The following TCEA3 variants were observed in gnomAD, a reference collection of about 807,000 sequenced individuals.
TCEA3 encodes transcription elongation factor A protein 3.
In TCEA3, 36 loss-of-function variants were observed where a neutral mutation model predicts 44.0. That is an observed-to-expected ratio of 0.82 (90% confidence interval 0.63 to 1.08). TCEA3 has a LOEUF of 1.08. Ranked by LOEUF, TCEA3 falls within the 50% of genes least tolerant of loss-of-function variation. The pLI is 0.00. For synonymous variants in TCEA3, 162 were observed against 159.7 expected, an observed-to-expected ratio of 1.01 and a Z score of -0.11; for missense variants, 392 against 441.2, an observed-to-expected ratio of 0.89 and a Z score of 1.00.
intron 8 of TCEA3, among the ~76,000 whole-genome samples, chr1:23,388,197 A>T (rs1638910892): frequency 6.7e-6 from 1 of 148,502 alleles, no homozygotes; most frequent in African/African-American, 2.6e-5. Context: ...GAGGATTTTA[A>T]ACTTTTTTTT....
chr1:23,417,468 G>C, intron 3 of TCEA3, 78 bp from the exon 4 acceptor site: 1 of 1,529,820 alleles, frequency 6.5e-7, no homozygotes, highest in East Asian at 2.4e-5. Context: ...TGGGGAGAGA[G>C]CAAAGGGCAG....
intron 4 of TCEA3, among the ~76,000 whole-genome samples, chr1:23,412,852 G>T (rs1443595108): frequency 6.6e-6 from 1 of 152,174 alleles, no homozygotes; most frequent in Non-Finnish European, 1.5e-5. Flanking sequence ...CTTATTCTAA[G>T]TTTCACTAAT....
chr1:23,387,225 G>C (rs751731736), intron 9 of TCEA3, 48 bp downstream of exon 9: 2 of 1,598,732 alleles, frequency 1.3e-6, no homozygotes, highest in South Asian at 2.2e-5. Context: ...CCACCTCTAT[G>C]CCCCTGCGGC....
chr1:23,399,097 A>G (rs1312600990), intron 5 of TCEA3, among the ~76,000 whole-genome samples: 1 of 142,492 alleles, frequency 7.0e-6, no homozygotes, highest in Non-Finnish European at 1.5e-5. Context: ...ATGATGTACT[A>G]TCTAAGAATT....
chr1:23,406,383 A>T (rs1639545525), intron 5 of TCEA3, among the ~76,000 whole-genome samples: 1 of 152,164 alleles, frequency 6.6e-6, no homozygotes, highest in African/African-American at 2.4e-5. Flanking sequence ...CAACACCCTT[A>T]TCATCCCACC....
intron 9 of TCEA3, among the ~76,000 whole-genome samples, chr1:23,385,280 C>T (rs188702189): frequency 1.3e-4 from 20 of 152,258 alleles, no homozygotes; most frequent in Admixed American, 5.9e-4. Context: ...TGGTGTGGGA[C>T]GAGTTATGCC....
In TCEA3 at chr1:23,424,675, G is replaced by A; in HGVS notation, c.-42C>T. On this transcript the variant is annotated 5_prime_UTR_variant, in exon 1 of 11. Transcript: ENST00000450454. ...CGGCGGGGCGAGGGGCACAGGGGCA[G>A]CAGTAGGGCCTCGGGGGCAGGAGGC... 1 of 1,527,362 alleles carries A rather than the reference G, an allele frequency of 6.5e-7. No individual in the cohort carries two copies. The highest frequency in any genetic ancestry group is 9.0e-7 in the Non-Finnish European group (1 of 1,116,962). The allele number at this position is 1,527,362 out of a possible 1,614,324, so 94.6% of individuals were successfully genotyped here. A position where few individuals can be genotyped will look rare whatever the true frequency, so the allele number is the denominator to read the frequency against.
At chr1:23,414,003 T>C (rs1464195554) in intron 4 of TCEA3, among the ~76,000 whole-genome samples, 1 of 147,958 alleles carries the variant, frequency 6.8e-6, no homozygotes, top group African/African-American at 2.5e-5. Context: ...TATATATATA[T>C]ATATATAAAT....
In TCEA3 at chr1:23,387,351, C is replaced by T; in HGVS notation, c.888G>A (p.Gln296=). ...AMTQEAIREH[Q]MAKTGGTTTD... is the part of the protein sequence containing the mutation. Reference sequence around the variant, plus strand: ...TGGTGGTGCCGCCAGTCTTGGCCATCTGGTGCTCACGGATGGCCTCCTGGG... The same window carrying T: ...TGGTGGTGCCGCCAGTCTTGGCCATTTGGTGCTCACGGATGGCCTCCTGGG... The change falls in exon 9 of 11, where the codon CAG becomes CAA. Residue 296 remains glutamine, a synonymous_variant. Transcript: ENST00000450454. The T allele has an allele frequency of 6.2e-7, 1 of 1,613,658 alleles. No homozygotes were observed. Among genetic ancestry groups the T allele is most frequent in the Non-Finnish European group, 8.5e-7 (1 of 1,179,786 alleles).
chr1:23,414,054 T>C (rs1259874531), intron 4 of TCEA3, among the ~76,000 whole-genome samples: 1 of 149,924 alleles, frequency 6.7e-6, no homozygotes, highest in Non-Finnish European at 1.5e-5. Flanking sequence ...TGAGTGCTTG[T>C]TTCTAGATAA....
At chr1:23,392,916 A>G (rs1027702633) in intron 8 of TCEA3, among the ~76,000 whole-genome samples, 10 of 152,176 alleles carry the variant, frequency 6.6e-5, no homozygotes, top group Non-Finnish European at 8.8e-5. Flanking sequence ...ATTCAAGTAC[A>G]TTACATTTAT....
At chr1:23,381,878 G>A (rs1638680630) in intron 10 of TCEA3, among the ~76,000 whole-genome samples, 1 of 152,146 alleles carries the variant, frequency 6.6e-6, no homozygotes, top group African/African-American at 2.4e-5. Context: ...ACTAGTAAGA[G>A]TCAAGGAAGA....
At chr1:23,396,358 C>T (rs773794947) in intron 7 of TCEA3, among the ~76,000 whole-genome samples, 1 of 152,102 alleles carries the variant, frequency 6.6e-6, no homozygotes, top group Non-Finnish European at 1.5e-5. Context: ...AAAAGAAGCT[C>T]CATGTTTTCA....
At chr1:23,422,711 T>C (rs1360458768) in intron 1 of TCEA3, among the ~76,000 whole-genome samples, 2 of 152,102 alleles carry the variant, frequency 1.3e-5, no homozygotes, top group African/African-American at 4.8e-5. Context: ...CAGACTTGCA[T>C]CTTTTCAGGG....
chr1:23,405,144 C>T (rs543414804), intron 5 of TCEA3, among the ~76,000 whole-genome samples: 5 of 152,222 alleles, frequency 3.3e-5, no homozygotes, highest in East Asian at 3.9e-4. Context: ...CTAGTCACCC[C>T]GTGTATGCAT....
chr1:23,383,691 T>C, intron 10 of TCEA3: 1 of 985,428 alleles, frequency 1.0e-6, no homozygotes, highest in Non-Finnish European at 1.2e-6. Context: ...CACATGCAAG[T>C]CAGAGAGCAG....
intron 9 of TCEA3, among the ~76,000 whole-genome samples, chr1:23,386,478 TCTGC>T (rs369052560): frequency 2.3e-3 from 353 of 152,264 alleles, no homozygotes; most frequent in African/African-American, 8.1e-3. Flanking sequence ...GCTCAAGCAA[TCTGC>T]CTGCCTCGGC....
At chr1:23,413,335 C>T (rs1042831876) in intron 4 of TCEA3, among the ~76,000 whole-genome samples, 15 of 151,778 alleles carry the variant, frequency 9.9e-5, no homozygotes, top group African/African-American at 3.1e-4. Context: ...GATAGGGTTT[C>T]GCCATTGGTC....
intron 7 of TCEA3, among the ~76,000 whole-genome samples, chr1:23,396,820 A>G (rs1639228639): frequency 6.6e-6 from 1 of 152,112 alleles, no homozygotes; most frequent in African/African-American, 2.4e-5. Flanking sequence ...AGCCTGACCA[A>G]CATCGTGAAA....
Sources: gnomAD v4.1 joint callset for allele counts (sites outside exome capture counted in the v4.1 genomes callset) on GRCh38, gnomAD v4.1.1 for gene constraint, MANE v1.5 for transcripts, NCBI Gene and HGNC (gene_info 2026-07-23, HGNC 2026-07-21) for gene names.